ADAM12: variants seen among roughly 807,000 people sequenced by gnomAD.
ADAM12 encodes disintegrin and metalloproteinase domain-containing protein 12.
In ADAM12, 70 loss-of-function variants were observed where a neutral mutation model predicts 106.4. The observed-to-expected ratio is 0.66, with a 90% CI of 0.54 to 0.80. The LOEUF (loss-of-function observed/expected upper bound fraction) is 0.80. ADAM12 is among the 30% of genes least tolerant of loss of function. The pLI, the probability that ADAM12 is intolerant of heterozygous loss-of-function variation, is 0.00. For synonymous variants in ADAM12, 420 were observed against 433.5 expected (o/e 0.97, Z 0.39); for missense variants, 1,010 against 1,171.9 (o/e 0.86, Z 2.02).
At position 126,049,591 on chromosome 10, in the gene ADAM12, G is replaced by A. The variant is rs376021623; in HGVS notation, c.1688C>T (p.Ser563Leu). 2 of 1,614,068 alleles carry A rather than the reference G, an allele frequency of 1.2e-6. No individual in the cohort carries two copies. Among genetic ancestry groups the A allele is most frequent in the South Asian group, 1.1e-5 (1 of 91,080 alleles). The change falls in exon 15 of 23, where the codon TCG (serine) becomes TTG (leucine). Residue 563 changes from serine to leucine, a missense_variant. Ser to Leu is a moderately radical substitution (Grantham distance 145). Coordinates refer to ENST00000448723, the MANE Select transcript of ADAM12 (RefSeq NM_001288973.2). The surrounding 1 kb of genome is among the most constrained non-coding windows in gnomAD (Gnocchi z 4.4). ...GDPYGNCGKV[S>L]KSSFAKCEMR... is the part of the protein sequence containing the mutation. ...CTCGCATTTGGCAAAGGAACTCTTCGAGACTTTGCCACAGTTGCCATAAGG... is the reference window on the plus strand; with the variant it reads ...CTCGCATTTGGCAAAGGAACTCTTCAAGACTTTGCCACAGTTGCCATAAGG...
intron 3 of ADAM12, among the ~76,000 whole-genome samples, chr10:126,201,435 C>T (rs943483198): frequency 5.3e-5 from 8 of 152,164 alleles, no homozygotes; most frequent in African/African-American, 7.2e-5. Flanking sequence ...GAGCCAAAAA[C>T]GCCAGGGAAC....
chr10:126,162,394 AG>A (rs1186723686), intron 3 of ADAM12, among the ~76,000 whole-genome samples: 1 of 152,072 alleles, frequency 6.6e-6, no homozygotes, highest in Non-Finnish European at 1.5e-5. Flanking sequence ...CAACGCGCAG[AG>A]GGGAGGGGAA....
At chr10:126,040,394 TCTC>T (rs1369714379) in intron 18 of ADAM12, among the ~76,000 whole-genome samples, 3 of 152,318 alleles carry the variant, frequency 2.0e-5, no homozygotes, top group African/African-American at 4.8e-5. Flanking sequence ...TTACCTGGGC[TCTC>T]CTCGGCCCTG....
At chr10:126,078,419 C>A (rs575379378) in intron 11 of ADAM12, among the ~76,000 whole-genome samples, 1 of 152,146 alleles carries the variant, frequency 6.6e-6, no homozygotes, top group African/African-American at 2.4e-5. Flanking sequence ...CTCCAAGGCC[C>A]ATATAATTCC....
intron 4 of ADAM12, among the ~76,000 whole-genome samples, chr10:126,136,448 T>G (rs149582588): frequency 6.6e-6 from 1 of 152,176 alleles, no homozygotes; most frequent in Non-Finnish European, 1.5e-5. Context: ...GGACGCCAGC[T>G]GGGTGCAGGT....
Position 126,016,034 on chromosome 10 carries a change from T to A in ADAM12, c.*1245A>T, listed in dbSNP as rs939155689. 1.7e-4 allele frequency: 26 copies of A among 152,202 alleles called. No individual in the cohort carries two copies. The highest frequency in any genetic ancestry group is 6.3e-4 in the African/African-American group (26 of 41,448). 9.4% of individuals were successfully genotyped at this position (152,202 alleles called of 1,614,324 possible). On this transcript the variant is annotated 3_prime_UTR_variant, in exon 23 of 23. Coordinates refer to ENST00000448723, the MANE Select transcript of ADAM12 (RefSeq NM_001288973.2). ...ATTCTGTGATGCTCAACAGGTAGGT[T>A]GCAAGTGTTTAAGAAATAGGTTCAG...
chr10:126,230,738 T>A (rs2133868198), intron 3 of ADAM12, among the ~76,000 whole-genome samples: 1 of 152,370 alleles, frequency 6.6e-6, no homozygotes, highest in Middle Eastern at 3.4e-3. Context: ...TTTTGCTTCC[T>A]GATTTGTAAA....
At chr10:126,114,256 G>A (rs965285450) in intron 6 of ADAM12, among the ~76,000 whole-genome samples, 2 of 152,064 alleles carry the variant, frequency 1.3e-5, no homozygotes, top group African/African-American at 4.8e-5. Flanking sequence ...GGCTGAATCC[G>A]GCAAACTGAA....
In ADAM12 at chr10:126,232,498, G is replaced by C. The variant is rs140009425; in HGVS notation, c.260+46417C>G. Among the ~76,000 whole-genome samples, 1,126 of 152,286 alleles carry C rather than the reference G, an allele frequency of 7.4e-3. 12 individuals are homozygous for C. The highest frequency in any genetic ancestry group is 0.013 in the Non-Finnish European group (851 of 68,018). On this transcript the variant is annotated intron_variant, in intron 3 of 22. Coordinates refer to ENST00000448723, the MANE Select transcript of ADAM12 (RefSeq NM_001288973.2). ...GATGTTGTTTGAAGCCATGAAGTTT[G>C]TAGTGATTTTTTTAGAGCAGCAAAA...
intron 6 of ADAM12, among the ~76,000 whole-genome samples, chr10:126,112,182 A>C (rs953538269): frequency 6.6e-6 from 1 of 151,970 alleles, no homozygotes. Flanking sequence ...ATAAGAACAC[A>C]TGGACACAGG....
chr10:126,355,216 A>C (rs1855497116), intron 1 of ADAM12, among the ~76,000 whole-genome samples: 2 of 152,240 alleles, frequency 1.3e-5, no homozygotes, highest in African/African-American at 4.8e-5. Context: ...GGAGTTAAGA[A>C]ATAAAACCAG....
At chr10:126,126,884 C>G (rs1338586317) in intron 5 of ADAM12, among the ~76,000 whole-genome samples, 1 of 151,976 alleles carries the variant, frequency 6.6e-6, no homozygotes, top group Non-Finnish European at 1.5e-5. Flanking sequence ...GACAAGAGGT[C>G]AGGTGGAGAG....
chr10:126,380,926 G>A (rs1254712113), intron 1 of ADAM12, among the ~76,000 whole-genome samples: 3 of 152,144 alleles, frequency 2.0e-5, no homozygotes, highest in African/African-American at 7.2e-5. Context: ...GCTTAAGGAG[G>A]CCTCTGAAAC....
chr10:126,219,105 C>A (rs189204993), intron 3 of ADAM12, among the ~76,000 whole-genome samples: 368 of 152,310 alleles, frequency 2.4e-3, no homozygotes, highest in African/African-American at 8.5e-3. Context: ...AGGTCCCATG[C>A]TTTGCTCTGT....
chr10:126,177,276 T>G (rs548115167), intron 3 of ADAM12, among the ~76,000 whole-genome samples: 1 of 148,304 alleles, frequency 6.7e-6, no homozygotes, highest in African/African-American at 2.5e-5. Context: ...AGCAATGAGA[T>G]GAGAAACAGG....
chr10:126,351,619 T>G (rs1201483568), intron 1 of ADAM12, among the ~76,000 whole-genome samples: 1 of 152,108 alleles, frequency 6.6e-6, no homozygotes, highest in East Asian at 1.9e-4. Context: ...TACATCAACA[T>G]GCTGAATAGA....
At chr10:126,091,377 C>T (rs759417663) in intron 11 of ADAM12, among the ~76,000 whole-genome samples, 4 of 152,192 alleles carry the variant, frequency 2.6e-5, no homozygotes, top group African/African-American at 4.8e-5. Flanking sequence ...CTGAGCCGCT[C>T]GACCTCCCCC....
At chr10:126,315,719 C>T (rs1853838536) in intron 2 of ADAM12, among the ~76,000 whole-genome samples, 3 of 152,042 alleles carry the variant, frequency 2.0e-5, no homozygotes, top group African/African-American at 2.4e-5. Context: ...ATCAACCTCA[C>T]AAAGCTCCCT....
At chr10:126,380,709 A>G (rs916921763) in intron 1 of ADAM12, among the ~76,000 whole-genome samples, 8 of 152,244 alleles carry the variant, frequency 5.3e-5, no homozygotes, top group Non-Finnish European at 1.2e-4. Flanking sequence ...ACTACTCTCA[A>G]AAACATTGTC....
Sources: gnomAD v4.1 joint callset for allele counts (sites outside exome capture counted in the v4.1 genomes callset) on GRCh38, gnomAD v4.1.1 for gene constraint, Gnocchi (gnomAD v3.1) non-coding constraint, MANE v1.5 for transcripts, NCBI Gene and HGNC (gene_info 2026-07-23, HGNC 2026-07-21) for gene names.